Variants in ARID1B observed in about 807,000 individuals in gnomAD.
The protein encoded by ARID1B is AT-rich interaction domain 1B.
In ARID1B, 30 loss-of-function variants were observed where a neutral mutation model predicts 212.3. The ratio of observed to expected loss-of-function variants is 0.14; its 90% CI spans 0.11 to 0.19. ARID1B has a LOEUF of 0.19. ARID1B is among the 10% of genes least tolerant of loss of function. ARID1B has a pLI of 1.00. For synonymous variants in ARID1B, 1,402 were observed against 1,301.7 expected, an observed-to-expected ratio of 1.08 and a Z score of -1.66; for missense variants, 2,891 against 3,204.0, an observed-to-expected ratio of 0.90 and a Z score of 2.36.
intron 6 of ARID1B, among the ~76,000 whole-genome samples, chr6:157,125,694 T>TCA (rs1303146728): frequency 6.6e-6 from 1 of 152,206 alleles, no homozygotes; most frequent in African/African-American, 2.4e-5. Context: ...ATTCTCCACG[T>TCA]CACACACTGA....
At chr6:156,964,323 G>T (rs1794597440) in intron 4 of ARID1B, among the ~76,000 whole-genome samples, 1 of 152,156 alleles carries the variant, frequency 6.6e-6, no homozygotes, top group Non-Finnish European at 1.5e-5. Flanking sequence ...AAATTTATTG[G>T]TATCTGTTGC....
chr6:156,847,665 C>T (rs1356894592), intron 2 of ARID1B, among the ~76,000 whole-genome samples: 1 of 152,126 alleles, frequency 6.6e-6, no homozygotes, highest in Non-Finnish European at 1.5e-5. Flanking sequence ...TTAAGGATAT[C>T]TTGAATGTGT....
At chr6:157,056,831 T>C (rs1782986961) in intron 4 of ARID1B, among the ~76,000 whole-genome samples, 1 of 150,074 alleles carries the variant, frequency 6.7e-6, no homozygotes, top group Admixed American at 6.7e-5. Flanking sequence ...TTAAAAACTT[T>C]TCTTAAAAAG....
In ARID1B at chr6:156,854,031, G is replaced by T. The variant is rs147428997; in HGVS notation, c.1986+24610G>T. Among the ~76,000 whole-genome samples the T allele has an allele frequency of 1.6e-3, 248 of 152,246 alleles. 2 individuals carry two copies. Among genetic ancestry groups the T allele is most frequent in the African/African-American group, 5.6e-3 (234 of 41,556 alleles). On this transcript the variant is annotated intron_variant, in intron 2 of 19. Coordinates refer to ENST00000636930, the MANE Select transcript of ARID1B (RefSeq NM_001374828.1). ...ACAGGTATGAGCCACACTGTGCCCA[G>T]CCCTCCATAAATTTTTGTGAGGTTA... is the stretch of plus-strand genomic sequence containing the variant.
At chr6:157,072,805 A>G (rs922584780) in intron 4 of ARID1B, among the ~76,000 whole-genome samples, 1 of 152,196 alleles carries the variant, frequency 6.6e-6, no homozygotes, top group Non-Finnish European at 1.5e-5. Flanking sequence ...ACAGAGATCC[A>G]TTTTATAGGT....
At chr6:156,985,963 C>T (rs1374438000) in intron 4 of ARID1B, among the ~76,000 whole-genome samples, 3 of 152,154 alleles carry the variant, frequency 2.0e-5, no homozygotes, top group African/African-American at 7.2e-5. Context: ...GATGTAATGT[C>T]CTGTTGCACC....
chr6:157,136,127 A>C (rs1255592192), intron 7 of ARID1B, among the ~76,000 whole-genome samples: 4 of 152,142 alleles, frequency 2.6e-5, no homozygotes, highest in African/African-American at 9.7e-5. Flanking sequence ...TTTAATCGTC[A>C]CAGAAGTTGC....
At chr6:157,117,208 A>G (rs964626767) in intron 6 of ARID1B, among the ~76,000 whole-genome samples, 3 of 152,222 alleles carry the variant, frequency 2.0e-5, no homozygotes, top group African/African-American at 7.2e-5. Flanking sequence ...AAGGTGAATC[A>G]AAATTTCTAT....
At chr6:157,015,419 G>C (rs960993232) in intron 4 of ARID1B, among the ~76,000 whole-genome samples, 2 of 152,172 alleles carry the variant, frequency 1.3e-5, no homozygotes, top group Non-Finnish European at 2.9e-5. Context: ...CAGTTGGAGA[G>C]GTCTGGTCAG....
At chr6:157,161,431 G>GTGTATA (rs540423195) in intron 8 of ARID1B, among the ~76,000 whole-genome samples, 5 of 139,408 alleles carry the variant, frequency 3.6e-5, no homozygotes, top group East Asian at 2.0e-4. Flanking sequence ...TTGTGTGTGT[G>GTGTATA]TATATATATA....
chr6:156,997,659 G>GTTT (rs60189073), intron 4 of ARID1B, among the ~76,000 whole-genome samples: 2 of 126,978 alleles, frequency 1.6e-5, no homozygotes, highest in African/African-American at 2.7e-5. Context: ...ATTTTAACTT[G>GTTT]TTTTTTTTTT....
At chr6:156,913,391 A>G (rs924779353) in intron 3 of ARID1B, among the ~76,000 whole-genome samples, 26 of 151,524 alleles carry the variant, frequency 1.7e-4, no homozygotes, top group Middle Eastern at 3.2e-3. Context: ...AAATTTTTTT[A>G]TATTTTTAGT....
In ARID1B at chr6:157,206,182, G is replaced by A. The variant is rs1308269596; in HGVS notation, c.5410G>A (p.Glu1804Lys). The A allele has an allele frequency of 1.2e-6, 2 of 1,613,668 alleles. No homozygotes were observed. Among genetic ancestry groups the A allele is most frequent in the African/African-American group, 1.3e-5 (1 of 74,932 alleles). Residue 1804 changes from glutamate to lysine, a missense_variant, in exon 20 of 20, where the codon GAA becomes AAA. By Grantham distance (56) the Glu-to-Lys change is moderately conservative. Transcript: ENST00000636930. The surrounding 1 kb of genome is among the most constrained non-coding windows in gnomAD (Gnocchi z 6.8). ...FNLSQLSGFL[E>K]LLVEYFRKCL... ...TCCTCTCCAGTTGTCTGGATTTCTC[G>A]AACTTTTAGTCGAGTACTTTAGAAA...
At chr6:156,810,901 C>G (rs1389720594) in intron 1 of ARID1B, among the ~76,000 whole-genome samples, 1 of 152,174 alleles carries the variant, frequency 6.6e-6, no homozygotes, top group Non-Finnish European at 1.5e-5. Flanking sequence ...TAAAAGAACA[C>G]ACATCGATTA....
intron 4 of ARID1B, among the ~76,000 whole-genome samples, chr6:157,010,302 TTTG>T (rs1448473162): frequency 5.1e-4 from 62 of 120,874 alleles, no homozygotes; most frequent in African/African-American, 1.4e-3. Context: ...TTTTTTTTTT[TTTG>T]TTGTTGTTGT....
chr6:156,918,648 A>C (rs1790544550), intron 3 of ARID1B, among the ~76,000 whole-genome samples: 1 of 152,170 alleles, frequency 6.6e-6, no homozygotes, highest in East Asian at 1.9e-4. Flanking sequence ...TTAAGTTTGA[A>C]GAGCTTGTAA....
At chr6:157,153,703 A>G (rs1045271569) in intron 8 of ARID1B, among the ~76,000 whole-genome samples, 8 of 152,204 alleles carry the variant, frequency 5.3e-5, no homozygotes, top group African/African-American at 1.9e-4. Flanking sequence ...AGGCTTTAAT[A>G]TAGCTCACTA....
chr6:157,069,541 T>A (rs1783884272), intron 4 of ARID1B, among the ~76,000 whole-genome samples: 1 of 152,226 alleles, frequency 6.6e-6, no homozygotes, highest in Non-Finnish European at 1.5e-5. Context: ...CTCACCAATG[T>A]AAAGTGAGGC....
At chr6:156,885,960 A>G (rs1007658457) in intron 2 of ARID1B, among the ~76,000 whole-genome samples, 5 of 152,172 alleles carry the variant, frequency 3.3e-5, no homozygotes, top group Non-Finnish European at 7.3e-5. Flanking sequence ...CCAAAATCCT[A>G]AACTTTTTTT....
Sources: gnomAD v4.1 joint callset for allele counts (sites outside exome capture counted in the v4.1 genomes callset) on GRCh38, gnomAD v4.1.1 for gene constraint, Gnocchi (gnomAD v3.1) non-coding constraint, MANE v1.5 for transcripts, NCBI Gene and HGNC (gene_info 2026-07-23, HGNC 2026-07-21) for gene names.